The following TBC1D32 variants were observed in gnomAD, a reference collection of about 807,000 sequenced individuals.
The protein encoded by TBC1D32 is protein broad-minded.
In TBC1D32, 151 loss-of-function variants were observed where a neutral mutation model predicts 170.3. The observed-to-expected ratio is 0.89, with a 90% CI of 0.78 to 1.01. The LOEUF (loss-of-function observed/expected upper bound fraction) is 1.01. TBC1D32 is among the 50% of genes least tolerant of loss of function. The pLI is 0.00. For missense variants in TBC1D32, 1,464 were observed against 1,457.1 expected (o/e 1.00, Z -0.08); for synonymous variants, 498 against 488.0 (o/e 1.02, Z -0.27).
At chr6:121,152,458 TTC>T (rs1458066243) in intron 24 of TBC1D32, among the ~76,000 whole-genome samples, 10 of 152,238 alleles carry the variant, frequency 6.6e-5, no homozygotes, top group African/African-American at 2.2e-4. Context: ...ACCTTGGTGA[TTC>T]TGTCGATTAT....
chr6:121,299,242 T>C (rs528047300), intron 10 of TBC1D32, among the ~76,000 whole-genome samples: 6 of 152,116 alleles, frequency 3.9e-5, no homozygotes, highest in Non-Finnish European at 7.4e-5. Context: ...TATTTTCTAA[T>C]TGTTATCCTG....
rs987774982 is a variant in TBC1D32 at position 121,242,454 on chromosome 6, TG to T, written c.2019-116del. 3 of 936,702 alleles carry T rather than the reference TG, an allele frequency of 3.2e-6. No individual in the cohort carries two copies. The African/African-American group carries it at 5.2e-5, about 16-fold the overall frequency. The allele number at this position is 936,702 out of a possible 1,614,324, so 58.0% of individuals were successfully genotyped here. A position where few individuals can be genotyped will look rare whatever the true frequency, so the allele number is the denominator to read the frequency against. ...ACAATTAAAGTTACACAGTATATATTGGTTGCAAATTAATCAATAAAGGTTT... is the reference window on the plus strand; with the variant it reads ...ACAATTAAAGTTACACAGTATATATTGTTGCAAATTAATCAATAAAGGTTT... On this transcript the variant is annotated intron_variant, in intron 17 of 31. Coordinates refer to ENST00000398212, the MANE Select transcript of TBC1D32 (RefSeq NM_152730.6).
At chr6:121,126,984 C>T (rs555582117) in intron 25 of TBC1D32, among the ~76,000 whole-genome samples, 15 of 152,186 alleles carry the variant, frequency 9.9e-5, no homozygotes, top group Admixed American at 9.2e-4. Context: ...ATTTTCTAGG[C>T]TGGTTTGATA....
chr6:121,143,828 T>C (rs1011631490), intron 24 of TBC1D32, among the ~76,000 whole-genome samples: 2 of 152,200 alleles, frequency 1.3e-5, no homozygotes, highest in African/African-American at 4.8e-5. Context: ...TTTTTTTTCA[T>C]TGAGTTCACA....
chr6:121,329,562 G>C (rs1219670663), intron 1 of TBC1D32, among the ~76,000 whole-genome samples: 2 of 152,086 alleles, frequency 1.3e-5, no homozygotes, highest in Non-Finnish European at 2.9e-5. Context: ...TGAGGCAAGA[G>C]AATCACTTGA....
At chr6:121,180,598 C>T (rs1788378981) in intron 22 of TBC1D32, among the ~76,000 whole-genome samples, 1 of 152,006 alleles carries the variant, frequency 6.6e-6, no homozygotes, top group Non-Finnish European at 1.5e-5. Flanking sequence ...GGCTTAAAGA[C>T]CTAAATGTAA....
chr6:121,268,616 A>C (rs1251437308), intron 15 of TBC1D32, among the ~76,000 whole-genome samples: 2 of 152,198 alleles, frequency 1.3e-5, no homozygotes, highest in Admixed American at 6.5e-5. Context: ...CTACGTGAAA[A>C]GACCAAATCT....
intron 30 of TBC1D32, among the ~76,000 whole-genome samples, chr6:121,096,901 C>G (rs576290668): frequency 1.3e-5 from 2 of 152,266 alleles, no homozygotes; most frequent in East Asian, 3.9e-4. Flanking sequence ...CACACATCTA[C>G]AACCATCTGT....
intron 1 of TBC1D32, among the ~76,000 whole-genome samples, chr6:121,323,360 A>C (rs1810015419): frequency 6.6e-6 from 1 of 152,182 alleles, no homozygotes; most frequent in Non-Finnish European, 1.5e-5. Flanking sequence ...CACTGTAGTC[A>C]TATTAGCCTT....
At chr6:121,173,345 T>C (rs1334026938) in intron 22 of TBC1D32, among the ~76,000 whole-genome samples, 1 of 152,146 alleles carries the variant, frequency 6.6e-6, no homozygotes, top group Non-Finnish European at 1.5e-5. Flanking sequence ...TATTGTGGGA[T>C]GTCACCTTAT....
intron 30 of TBC1D32, among the ~76,000 whole-genome samples, chr6:121,099,970 G>C (rs945842583): frequency 6.6e-6 from 1 of 151,710 alleles, no homozygotes; most frequent in Admixed American, 6.6e-5. Context: ...GTATAGCAAG[G>C]TTTTCCCATA....
In TBC1D32 at chr6:121,090,954, C is replaced by T; in HGVS notation, c.3553G>A (p.Gly1185Ser). ...CHYIATCVFL[G>S]PDYQVYICIA... ...CAGATATACACTTGATAATCAGGAC[C>T]AAGGAAAACACAAGTAGCAATATAA... The change falls in exon 31 of 32, where the codon GGT becomes AGT. Residue 1185 changes from glycine (G) to serine (S), a missense_variant. Coordinates refer to ENST00000398212, the MANE Select transcript of TBC1D32 (RefSeq NM_152730.6). The T allele has an allele frequency of 1.9e-6, 3 of 1,613,072 alleles. No homozygotes were observed. The South Asian group carries it at 3.3e-5, about 18-fold the overall frequency.
At chr6:121,125,424 A>C (rs903398299) in intron 26 of TBC1D32, among the ~76,000 whole-genome samples, 4 of 152,140 alleles carry the variant, frequency 2.6e-5, no homozygotes, top group Non-Finnish European at 4.4e-5. Context: ...TCTCTGTATA[A>C]GGAAGACTGG....
chr6:121,185,432 T>C (rs1368111670), intron 22 of TBC1D32, among the ~76,000 whole-genome samples: 2 of 152,104 alleles, frequency 1.3e-5, no homozygotes, highest in Non-Finnish European at 2.9e-5. Context: ...ATATAAACTA[T>C]ATTTTAGAAA....
intron 31 of TBC1D32, among the ~76,000 whole-genome samples, chr6:121,083,519 G>T (rs1775861255): frequency 1.3e-5 from 2 of 152,016 alleles, no homozygotes; most frequent in South Asian, 2.1e-4. Flanking sequence ...ATATAATATG[G>T]TATATACGTA....
At chr6:121,300,385 T>C (rs978800311) in intron 9 of TBC1D32, among the ~76,000 whole-genome samples, 3 of 152,188 alleles carry the variant, frequency 2.0e-5, no homozygotes, top group Middle Eastern at 6.8e-3. Context: ...AGGCAGATGT[T>C]GCAGTGAACC....
At chr6:121,273,804 G>A (rs1364423702) in intron 15 of TBC1D32, among the ~76,000 whole-genome samples, 1 of 152,074 alleles carries the variant, frequency 6.6e-6, no homozygotes, top group Non-Finnish European at 1.5e-5. Context: ...CCAATTAAAG[G>A]GGGCCAACTG....
At chr6:121,101,690 C>A (rs1388930178) in intron 30 of TBC1D32, among the ~76,000 whole-genome samples, 1 of 152,106 alleles carries the variant, frequency 6.6e-6, no homozygotes, top group Non-Finnish European at 1.5e-5. Context: ...GACAGGGATG[C>A]CCTCTCTCAC....
chr6:121,293,067 A>C (rs1479118948), intron 11 of TBC1D32, among the ~76,000 whole-genome samples: 2 of 152,236 alleles, frequency 1.3e-5, no homozygotes, highest in East Asian at 3.9e-4. Context: ...GAATTGACCT[A>C]AAGTTGGGCA....
Sources: gnomAD v4.1 joint callset for allele counts (sites outside exome capture counted in the v4.1 genomes callset) on GRCh38, gnomAD v4.1.1 for gene constraint, MANE v1.5 for transcripts, NCBI Gene and HGNC (gene_info 2026-07-23, HGNC 2026-07-21) for gene names.